NFAT5: variants seen among roughly 807,000 people sequenced by gnomAD.
The protein encoded by NFAT5 is nuclear factor of activated T cells 5.
A neutral mutation model predicts 166.5 loss-of-function variants in NFAT5; 31 were observed. The observed-to-expected ratio is 0.19, with a 90% CI of 0.14 to 0.25. The LOEUF (loss-of-function observed/expected upper bound fraction) is 0.25. Among genes scored for constraint, NFAT5 ranks in the 10% least tolerant of loss-of-function variants. The probability of loss-of-function intolerance (pLI) is 1.00; values close to 1 mark genes in which losing one functional copy is unlikely to be tolerated. For missense variants in NFAT5, 1,449 were observed against 1,821.8 expected, an observed-to-expected ratio of 0.80 and a Z score of 3.72; for synonymous variants, 612 against 639.7, an observed-to-expected ratio of 0.96 and a Z score of 0.65.
At chr16:69,621,320 A>G (rs1450344058) in intron 2 of NFAT5, among the ~76,000 whole-genome samples, 1 of 152,124 alleles carries the variant, frequency 6.6e-6, no homozygotes, top group Non-Finnish European at 1.5e-5. Context: ...TTTAGAGGGT[A>G]CAATTCAGTG....
intron 6 of NFAT5, among the ~76,000 whole-genome samples, chr16:69,659,493 G>A (rs1288388692): frequency 1.3e-5 from 2 of 151,978 alleles, no homozygotes; most frequent in Non-Finnish European, 2.9e-5. Flanking sequence ...TTAAAATAGT[G>A]ATTTTATTTT....
chr16:69,607,111 A>G (rs1317187254), intron 2 of NFAT5, among the ~76,000 whole-genome samples: 1 of 152,192 alleles, frequency 6.6e-6, no homozygotes, highest in Non-Finnish European at 1.5e-5. Context: ...TTACAACTCT[A>G]CAAGGTAGAT....
chr16:69,613,289 C>T (rs1236964979), intron 2 of NFAT5, among the ~76,000 whole-genome samples: 3 of 152,214 alleles, frequency 2.0e-5, no homozygotes, highest in Admixed American at 2.0e-4. Flanking sequence ...TAAAAACCTT[C>T]TTACTCATCG....
intron 2 of NFAT5, among the ~76,000 whole-genome samples, chr16:69,604,538 G>A (rs1201910819): frequency 6.6e-6 from 1 of 152,116 alleles, no homozygotes; most frequent in Non-Finnish European, 1.5e-5. Context: ...GTAGGCCCCA[G>A]TGTCTGTTCC....
intron 2 of NFAT5, among the ~76,000 whole-genome samples, chr16:69,616,910 T>C (rs2033972875): frequency 6.6e-6 from 1 of 150,840 alleles, no homozygotes; most frequent in Admixed American, 6.6e-5. Flanking sequence ...GCCCTCTTAT[T>C]CCTCTTGGAC....
Position 69,626,458 on chromosome 16 carries a change from A to T in NFAT5, c.183A>T (p.Thr61=). The T allele has an allele frequency of 6.3e-7, 1 of 1,598,606 alleles. No individual in the cohort carries two copies. The highest frequency in any genetic ancestry group is 8.5e-7 in the Non-Finnish European group (1 of 1,172,962). ...TACAGTTACCTCCATCTAGAGAAAC[A>T]TCTGTAGCATCAATGAGTCAGACAA... ...KELQLPPSRE[T]SVASMSQTSG... The change falls in exon 3 of 15, where the codon ACA becomes ACT. Residue 61 remains threonine, a synonymous_variant. Transcript: ENST00000349945.
At chr16:69,600,760 G>GAA (rs34206965) in intron 2 of NFAT5, among the ~76,000 whole-genome samples, 9,396 of 100,964 alleles carry the variant, frequency 0.093, 878 homozygotes, top group African/African-American at 0.14. Flanking sequence ...GGAATACTTT[G>GAA]AAAAAAAAAA....
intron 9 of NFAT5, chr16:69,676,849 C>A: frequency 5.8e-6 from 1 of 173,364 alleles, no homozygotes; most frequent in South Asian, 1.4e-4. Flanking sequence ...AATAATATTG[C>A]AATTGAAGAG....
In NFAT5 at chr16:69,566,403, G is replaced by T; in HGVS notation, c.73+29G>T. 1 of 1,495,324 alleles carries T rather than the reference G, an allele frequency of 6.7e-7. No homozygotes were observed. The highest frequency in any genetic ancestry group is 1.9e-5 in the Admixed American group (1 of 51,804). The allele number at this position is 1,495,324 out of a possible 1,614,324, so 92.6% of individuals were successfully genotyped here. ...AGTCAGGCTGTGGGGGGTGGGGCGT[G>T]GGGGCGGGGAGACAGGGAGACAGGG... On this transcript the variant is annotated intron_variant, in intron 1 of 14. Coordinates refer to ENST00000349945, the MANE Select transcript of NFAT5 (RefSeq NM_138713.4). This position sits in a 1 kb window ranked among gnomAD's most constrained non-coding sequence, Gnocchi z 5.7.
In NFAT5 at chr16:69,647,147, A is replaced by T; in HGVS notation, c.373A>T (p.Ser125Cys). ...CGACAGCAAGGCTATGCAAGTGGAGAGCTGCTCCTCAGCCGTGGGGGTAAG... is the reference window on the plus strand; with the variant it reads ...CGACAGCAAGGCTATGCAAGTGGAGTGCTGCTCCTCAGCCGTGGGGGTAAG... ...VTDSKAMQVE[S>C]CSSAVGVSNR... is the part of the protein sequence containing the mutation. Residue 125 changes from serine (S) to cysteine (C), a missense_variant, in exon 4 of 15, where the codon AGC becomes TGC. Physicochemically the swap from Ser to Cys is moderately radical, Grantham distance 112. Around this residue, in one of 7 missense-constraint regions of NFAT5, gnomAD observed 172 missense variants for 194.5 expected, o/e 0.88. Transcript: ENST00000349945. The surrounding 1 kb of genome is among the most constrained non-coding windows in gnomAD (Gnocchi z 4.8). 6.2e-7 allele frequency: 1 copy of T among 1,614,086 alleles called. No individual in the cohort carries two copies. The highest frequency in any genetic ancestry group is 8.5e-7 in the Non-Finnish European group (1 of 1,179,984).
chr16:69,587,534 C>T (rs927596116), intron 2 of NFAT5, among the ~76,000 whole-genome samples: 3 of 151,458 alleles, frequency 2.0e-5, no homozygotes, highest in African/African-American at 4.9e-5. Context: ...GGACTACAGG[C>T]GCCGCCACTA....
chr16:69,683,062 T>A lies in NFAT5; in HGVS notation c.1691-1825T>A, dbSNP rs2037136306. Among the ~76,000 whole-genome samples, 3 of 151,886 alleles carry A rather than the reference T, an allele frequency of 2.0e-5. No homozygotes were observed. In the South Asian group the frequency reaches 6.2e-4, roughly 32 times the overall value. ...CCCCATCTCTACTAAAAATACAAAATTAACAGGGTGCGGTGGGGCATGCCT... is the reference window on the plus strand; with the variant it reads ...CCCCATCTCTACTAAAAATACAAAAATAACAGGGTGCGGTGGGGCATGCCT... On this transcript the variant is annotated intron_variant, in intron 10 of 14. Transcript: ENST00000349945.
intron 11 of NFAT5, among the ~76,000 whole-genome samples, chr16:69,689,219 G>T (rs57565297): frequency 0.24 from 35,940 of 152,072 alleles, 4,605 homozygotes; most frequent in East Asian, 0.45. Flanking sequence ...GGAGGTTGCA[G>T]TGAGGCCTGA....
At chr16:69,598,699 T>C (rs1162382958) in intron 2 of NFAT5, among the ~76,000 whole-genome samples, 1 of 151,942 alleles carries the variant, frequency 6.6e-6, no homozygotes, top group Non-Finnish European at 1.5e-5. Context: ...ATTCTGGTGG[T>C]TGGAAACAGA....
intron 2 of NFAT5, among the ~76,000 whole-genome samples, chr16:69,585,886 G>A (rs1227969807): frequency 6.6e-6 from 1 of 152,162 alleles, no homozygotes; most frequent in Admixed American, 6.6e-5. Flanking sequence ...TAGTTAAATG[G>A]GTACAGAGTT....
intron 2 of NFAT5, among the ~76,000 whole-genome samples, chr16:69,611,675 C>G (rs2033710000): frequency 6.6e-6 from 1 of 152,232 alleles, no homozygotes; most frequent in Non-Finnish European, 1.5e-5. Context: ...AGGGCCAAGG[C>G]AGTGTCCTTC....
intron 2 of NFAT5, among the ~76,000 whole-genome samples, chr16:69,602,239 T>G (rs930849976): frequency 7.9e-5 from 12 of 152,002 alleles, no homozygotes; most frequent in Admixed American, 4.6e-4. Flanking sequence ...TTTTCTAGAT[T>G]AAGGGAAAGT....
intron 3 of NFAT5, among the ~76,000 whole-genome samples, chr16:69,627,662 A>G (rs1450120842): frequency 6.6e-6 from 1 of 152,124 alleles, no homozygotes; most frequent in Non-Finnish European, 1.5e-5. Flanking sequence ...TTCCTGGTTG[A>G]AGGCAGGAAA....
intron 3 of NFAT5, among the ~76,000 whole-genome samples, chr16:69,630,118 G>A (rs979735768): frequency 6.6e-5 from 10 of 151,970 alleles, no homozygotes; most frequent in African/African-American, 2.4e-4. Flanking sequence ...TGTATTTTTA[G>A]TAGAGACGGG....
Sources: gnomAD v4.1 joint callset for allele counts (sites outside exome capture counted in the v4.1 genomes callset) on GRCh38, gnomAD v4.1.1 for gene constraint, gnomAD v4.1.1 regional missense constraint, Gnocchi (gnomAD v3.1) non-coding constraint, MANE v1.5 for transcripts, NCBI Gene and HGNC (gene_info 2026-07-23, HGNC 2026-07-21) for gene names.